The following AVEN variants were observed in gnomAD, a reference collection of about 807,000 sequenced individuals.
AVEN encodes cell death regulator Aven.
Under a neutral mutation model 38.1 loss-of-function variants are expected in AVEN, and 41 were observed. That is an observed-to-expected ratio of 1.08 (90% CI 0.84 to 1.40). AVEN has a LOEUF of 1.40. Ranked by LOEUF, AVEN falls within the 40% of genes most tolerant of loss-of-function variation. AVEN has a pLI of 0.00. For synonymous variants in AVEN, 206 were observed against 171.8 expected (o/e 1.20, Z -1.56); for missense variants, 605 against 438.8 (o/e 1.38, Z -3.38).
chr15:34,067,225 G>A (rs1900535282), intron 2 of AVEN: 1 of 152,206 alleles, frequency 6.6e-6, no homozygotes. Flanking sequence ...ATTTTTGGTT[G>A]AACAAAGCAT....
chr15:33,905,640 A>G (rs907547365), intron 2 of AVEN, among the ~76,000 whole-genome samples: 2 of 152,132 alleles, frequency 1.3e-5, no homozygotes, highest in Admixed American at 6.5e-5. Flanking sequence ...CCTGGGAAAC[A>G]TGGCGAAACC....
At chr15:33,880,358 G>A (rs931322139) in intron 2 of AVEN, among the ~76,000 whole-genome samples, 1 of 152,144 alleles carries the variant, frequency 6.6e-6, no homozygotes, top group Non-Finnish European at 1.5e-5. Flanking sequence ...GTGGTATTGA[G>A]AGGCTAAAAA....
intron 2 of AVEN, among the ~76,000 whole-genome samples, chr15:33,924,765 G>A (rs771085559): frequency 3.9e-5 from 6 of 152,118 alleles, no homozygotes; most frequent in Non-Finnish European, 7.3e-5. Context: ...GTACCTTCTT[G>A]CTTCAACTGT....
chr15:33,963,571 C>T (rs962295985), intron 2 of AVEN, among the ~76,000 whole-genome samples: 7 of 151,942 alleles, frequency 4.6e-5, no homozygotes, highest in East Asian at 1.9e-4. Flanking sequence ...CCAAGGCAGG[C>T]GGATCACTTG....
chr15:33,888,110 GA>G (rs565218920), intron 2 of AVEN, among the ~76,000 whole-genome samples: 19 of 151,676 alleles, frequency 1.3e-4, no homozygotes, highest in African/African-American at 2.2e-4. Context: ...AGACCTATAT[GA>G]AAAAAAATAT....
intron 2 of AVEN, among the ~76,000 whole-genome samples, chr15:33,877,316 G>C (rs916056947): frequency 3.9e-5 from 6 of 152,034 alleles, no homozygotes; most frequent in Non-Finnish European, 8.8e-5. Context: ...TTTAAAAAGA[G>C]CAACCAATGC....
intron 1 of AVEN, 125 bp from the exon 2 acceptor site, chr15:34,003,334 T>C (rs970969984): frequency 2.6e-6 from 2 of 756,322 alleles, no homozygotes; most frequent in Admixed American, 2.9e-5. Flanking sequence ...TGTCTGAAGA[T>C]ATTAAATATT....
intron 1 of AVEN, among the ~76,000 whole-genome samples, chr15:34,032,567 T>C (rs998782563): frequency 1.3e-5 from 2 of 152,198 alleles, no homozygotes; most frequent in Non-Finnish European, 2.9e-5. Context: ...ACCATCTTAC[T>C]AAGAAACAAA....
chr15:33,918,929 T>G (rs2153047356), intron 2 of AVEN, among the ~76,000 whole-genome samples: 1 of 151,148 alleles, frequency 6.6e-6, no homozygotes, highest in South Asian at 2.1e-4. Flanking sequence ...TTTCTGTTTT[T>G]TTTTTTTTTG....
chr15:34,038,378 A>G (rs1218792745), intron 1 of AVEN, among the ~76,000 whole-genome samples: 1 of 152,198 alleles, frequency 6.6e-6, no homozygotes, highest in African/African-American at 2.4e-5. Context: ...GCGTGCCCGT[A>G]AAGGCTGCCG....
chr15:34,042,396 G>GTTTTTTTTTT (rs35456951), upstream of AVEN, among the ~76,000 whole-genome samples: 1 of 130,388 alleles, frequency 7.7e-6, no homozygotes, highest in Non-Finnish European at 1.6e-5. Context: ...CATGACCTAA[G>GTTTTTTTTTT]TTTTTTTTTT....
At chr15:33,987,724 A>G (rs1311667815) in intron 2 of AVEN, among the ~76,000 whole-genome samples, 1 of 152,144 alleles carries the variant, frequency 6.6e-6, no homozygotes, top group Admixed American at 6.5e-5. Context: ...TTCAACTGCA[A>G]CAGTGTGGCC....
intron 2 of AVEN, among the ~76,000 whole-genome samples, chr15:33,937,410 G>A (rs559392260): frequency 1.3e-5 from 2 of 151,738 alleles, no homozygotes; most frequent in South Asian, 4.2e-4. Context: ...GCAGGCGCCT[G>A]TAGGCCCAGC....
intron 2 of AVEN, among the ~76,000 whole-genome samples, chr15:33,878,426 A>G (rs975436472): frequency 1.3e-5 from 2 of 152,186 alleles, no homozygotes; most frequent in Non-Finnish European, 2.9e-5. Flanking sequence ...TAACAGTGTT[A>G]AAGCAACTCA....
chr15:34,032,857 T>TA (rs1567479339), intron 1 of AVEN, among the ~76,000 whole-genome samples: 1 of 152,214 alleles, frequency 6.6e-6, no homozygotes, highest in Non-Finnish European at 1.5e-5. Context: ...GAACATGTAA[T>TA]ATGTCCTTTT....
chr15:33,917,589 C>T (rs1416500200), intron 2 of AVEN, among the ~76,000 whole-genome samples: 2 of 150,284 alleles, frequency 1.3e-5, no homozygotes, highest in African/African-American at 4.9e-5. Context: ...CAATGGAATA[C>T]TACATATATA....
chr15:33,899,922 C>A (rs1892418408), intron 2 of AVEN, among the ~76,000 whole-genome samples: 1 of 149,076 alleles, frequency 6.7e-6, no homozygotes, highest in Non-Finnish European at 1.5e-5. Context: ...TAAGGATCCT[C>A]AAATCACAGT....
intron 1 of AVEN, among the ~76,000 whole-genome samples, chr15:34,023,610 T>A (rs998580054): frequency 6.6e-6 from 1 of 152,130 alleles, no homozygotes; most frequent in East Asian, 1.9e-4. Flanking sequence ...TAACAAAAGA[T>A]GGAAGAAAAT....
chr15:33,943,697 C>G (rs141106837), intron 2 of AVEN, among the ~76,000 whole-genome samples: 2 of 151,980 alleles, frequency 1.3e-5, no homozygotes, highest in Non-Finnish European at 1.5e-5. Flanking sequence ...TGGTGGCGCA[C>G]GCCTATAATC....
Sources: gnomAD v4.1 joint callset for allele counts (sites outside exome capture counted in the v4.1 genomes callset) on GRCh38, gnomAD v4.1.1 for gene constraint, MANE v1.5 for transcripts, NCBI Gene and HGNC (gene_info 2026-07-23, HGNC 2026-07-21) for gene names.